TIAM1: variants seen among roughly 807,000 people sequenced by gnomAD.
TIAM1 encodes the protein rho guanine nucleotide exchange factor TIAM1.
In TIAM1, 65 loss-of-function variants were observed where a neutral mutation model predicts 163.5. The observed-to-expected ratio is 0.40, with a 90% CI of 0.33 to 0.49. TIAM1 has a LOEUF of 0.49. Ranked by LOEUF, TIAM1 falls within the 20% of genes least tolerant of loss-of-function variation. The probability of loss-of-function intolerance (pLI) is 0.77; values close to 1 mark genes in which losing one functional copy is unlikely to be tolerated. For missense variants in TIAM1, 1,789 were observed against 2,044.7 expected (o/e 0.87, Z 2.41); for synonymous variants, 833 against 810.1 (o/e 1.03, Z -0.48).
intron 1 of TIAM1, among the ~76,000 whole-genome samples, chr21:31,552,624 A>G: frequency 6.6e-6 from 1 of 152,088 alleles, no homozygotes; most frequent in African/African-American, 2.4e-5. Flanking sequence ...AAATACAGAA[A>G]TTAGCCAGGC....
At chr21:31,208,799 A>C (rs1327049549) in intron 11 of TIAM1, among the ~76,000 whole-genome samples, 3 of 152,210 alleles carry the variant, frequency 2.0e-5, no homozygotes, top group Non-Finnish European at 2.9e-5. Flanking sequence ...AAATACAAAA[A>C]TTGCTGATAG....
At chr21:31,179,201 A>G (rs1765999023) in intron 15 of TIAM1, among the ~76,000 whole-genome samples, 1 of 151,770 alleles carries the variant, frequency 6.6e-6, no homozygotes, top group Admixed American at 6.6e-5. Flanking sequence ...AGCCTAACCA[A>G]CATGGTGAAA....
At chr21:31,410,628 G>A (rs1314355236) in intron 2 of TIAM1, among the ~76,000 whole-genome samples, 2 of 151,896 alleles carry the variant, frequency 1.3e-5, no homozygotes, top group Admixed American at 6.6e-5. Context: ...GTTAGTGTGT[G>A]TCAGTGACTA....
chr21:31,490,817 C>T (rs970743971), intron 1 of TIAM1, among the ~76,000 whole-genome samples: 4 of 152,234 alleles, frequency 2.6e-5, no homozygotes, highest in Admixed American at 1.3e-4. Context: ...GCCACCCCTG[C>T]TATTGTGTAG....
At chr21:31,228,234 A>AGGAG (rs1569068697) in intron 6 of TIAM1, among the ~76,000 whole-genome samples, 4 of 32,418 alleles carry the variant, frequency 1.2e-4, no homozygotes, top group African/African-American at 3.9e-4. Context: ...AAAAAAAAAA[A>AGGAG]AAAAAAAAAA....
chr21:31,410,690 G>A (rs1217143233), intron 2 of TIAM1, among the ~76,000 whole-genome samples: 1 of 146,256 alleles, frequency 6.8e-6, no homozygotes, highest in East Asian at 1.9e-4. Context: ...GCGTGAGAGT[G>A]TGTGTGAGTG....
chr21:31,157,271 C>A (rs900207730), intron 16 of TIAM1, among the ~76,000 whole-genome samples: 2 of 152,152 alleles, frequency 1.3e-5, no homozygotes, highest in Non-Finnish European at 2.9e-5. Context: ...TTTTGGTGAA[C>A]TGGTGAGTGA....
intron 2 of TIAM1, among the ~76,000 whole-genome samples, chr21:31,455,304 C>T (rs201362766): frequency 6.7e-6 from 1 of 148,212 alleles, no homozygotes; most frequent in African/African-American, 2.5e-5. Context: ...AAAAAAAGAC[C>T]CTAGAACATA....
chr21:31,426,025 G>T (rs747678022), intron 2 of TIAM1, among the ~76,000 whole-genome samples: 2 of 152,042 alleles, frequency 1.3e-5, no homozygotes, highest in African/African-American at 4.8e-5. Context: ...AAACCACCGC[G>T]CCCAGACCAT....
At chr21:31,296,441 A>G (rs1278166111) in intron 2 of TIAM1, among the ~76,000 whole-genome samples, 1 of 152,188 alleles carries the variant, frequency 6.6e-6, no homozygotes, top group Non-Finnish European at 1.5e-5. Flanking sequence ...CCAAATCAAA[A>G]ACAACCATTT....
intron 10 of TIAM1, among the ~76,000 whole-genome samples, chr21:31,210,675 GAA>G (rs1267076602): frequency 1.3e-4 from 9 of 71,346 alleles, no homozygotes; most frequent in Admixed American, 3.2e-4. Flanking sequence ...GAAAAAGAAA[GAA>G]AGAAAGAAAA....
chr21:31,315,041 C>A (rs1280996023), intron 2 of TIAM1, among the ~76,000 whole-genome samples: 1 of 152,126 alleles, frequency 6.6e-6, no homozygotes, highest in African/African-American at 2.4e-5. Flanking sequence ...CGCCAAACCT[C>A]GCACCAAAAC....
chr21:31,537,549 C>T (rs1413396879), intron 1 of TIAM1, among the ~76,000 whole-genome samples: 1 of 151,690 alleles, frequency 6.6e-6, no homozygotes, highest in African/African-American at 2.4e-5. Flanking sequence ...GCCAGGAGTT[C>T]AAGACCAGCC....
intron 1 of TIAM1, among the ~76,000 whole-genome samples, chr21:31,499,967 G>A (rs2046797613): frequency 6.6e-6 from 1 of 151,628 alleles, no homozygotes; most frequent in Non-Finnish European, 1.5e-5. Flanking sequence ...AGAAGTTCAA[G>A]ACCAGCCTGG....
rs777256501 is a variant in TIAM1 at position 31,298,767 on chromosome 21, T to TGTGTGA, written c.-188-21860_-188-21859insTCACAC. 9.0e-3 allele frequency among the ~76,000 whole-genome samples: 1,136 copies of TGTGTGA among 125,928 alleles called. 18 individuals carry two copies. The highest frequency in any genetic ancestry group is 0.038 in the African/African-American group (1,055 of 27,730). The allele number at this position is 125,928 out of a possible 152,430, so 82.6% of individuals were successfully genotyped here. A position where few individuals can be genotyped will look rare whatever the true frequency, so the allele number is the denominator to read the frequency against. ...GTGTGTGTGTGTGTGTGTGTGTGTG[T>TGTGTGA]GAGAAACAGAGAGAGAGAGAAAAAA... On this transcript the variant is annotated intron_variant, in intron 2 of 27. Transcript: ENST00000541036.
chr21:31,180,774 C>T (rs2084976768), intron 15 of TIAM1, among the ~76,000 whole-genome samples: 1 of 152,202 alleles, frequency 6.6e-6, no homozygotes, highest in South Asian at 2.1e-4. Flanking sequence ...TCTTCATTCT[C>T]CTTTACTAAG....
At chr21:31,130,981 T>C (rs1284899656) in intron 23 of TIAM1, 33 bp from the exon 24 acceptor site, 6 of 1,595,410 alleles carry the variant, frequency 3.8e-6, no homozygotes, top group Non-Finnish European at 5.1e-6. Context: ...AGTTATGGTA[T>C]GTCATGTGTA....
At chr21:31,438,179 C>CTTTTTTTTTTTTTTTTTTTT (rs34844399) in intron 2 of TIAM1, among the ~76,000 whole-genome samples, 3 of 62,686 alleles carry the variant, frequency 4.8e-5, no homozygotes, top group African/African-American at 2.1e-4. Context: ...TATTTGTGAT[C>CTTTTTTTTTTTTTTTTTTTT]TTTTTTTTTT....
intron 1 of TIAM1, among the ~76,000 whole-genome samples, chr21:31,494,072 G>A (rs2046563612): frequency 6.6e-6 from 1 of 152,042 alleles, no homozygotes; most frequent in Non-Finnish European, 1.5e-5. Context: ...GTGCCACTAC[G>A]CCCAGCTAAT....
Sources: allele counts gnomAD v4.1 joint callset (sites outside exome capture counted in the v4.1 genomes callset), GRCh38; gene constraint gnomAD v4.1.1; transcripts MANE v1.5; gene names NCBI Gene and HGNC (gene_info 2026-07-23, HGNC 2026-07-21).